ACSL6: variants seen among roughly 807,000 people sequenced by gnomAD.
The protein encoded by ACSL6 is long-chain-fatty-acid--CoA ligase 6.
In ACSL6, 47 loss-of-function variants were observed where a neutral mutation model predicts 98.2. That is an observed-to-expected ratio of 0.48 (90% confidence interval 0.38 to 0.61). The LOEUF is 0.61. ACSL6 is among the 20% of genes least tolerant of loss of function. The pLI is 0.00. For synonymous variants in ACSL6, 362 were observed against 336.9 expected (o/e 1.07, Z -0.82); for missense variants, 761 against 913.4 (o/e 0.83, Z 2.15).
At chr5:132,011,690 C>G, upstream of ACSL6, 2 of 1,270,142 alleles carry the variant, frequency 1.6e-6, no homozygotes, top group Non-Finnish European at 2.0e-6. This position sits in a 1 kb window ranked among gnomAD's most constrained non-coding sequence, Gnocchi z 5.4. Context: ...CCCTCCGGCC[C>G]CGCAGCTCCC....
At chr5:131,976,587 T>C in intron 10 of ACSL6, 61 bp downstream of exon 10, 1 of 1,317,034 alleles carries the variant, frequency 7.6e-7, no homozygotes, top group Non-Finnish European at 1.1e-6. Flanking sequence ...TAAAAAAAAA[T>C]CCTCTGAGGC....
intron 1 of ACSL6, among the ~76,000 whole-genome samples, chr5:132,007,330 TTCAG>T (rs1262889275): frequency 6.6e-6 from 1 of 152,256 alleles, no homozygotes; most frequent in Non-Finnish European, 1.5e-5. Flanking sequence ...TTCAACTTCA[TTCAG>T]TCCTATTGCC....
rs756289227 is a variant in ACSL6, at chr5:131,970,077, T to G, written c.1507+51A>C. 3 of 1,562,016 alleles carry G rather than the reference T, an allele frequency of 1.9e-6. No homozygotes were observed. In the South Asian group the frequency reaches 3.3e-5, roughly 17 times the overall value. On this transcript the variant is annotated intron_variant, in intron 15 of 20. Coordinates refer to ENST00000651883, the MANE Select transcript of ACSL6 (RefSeq NM_001009185.3). ...TGAGGGAGTTTTAGAGCTGGCTGCTTTTACTCCACAGTGCCTCGCGAGCCA... is the reference window on the plus strand; with the variant it reads ...TGAGGGAGTTTTAGAGCTGGCTGCTGTTACTCCACAGTGCCTCGCGAGCCA...
At chr5:131,997,900 C>G (rs1754875233) in intron 1 of ACSL6, among the ~76,000 whole-genome samples, 1 of 152,236 alleles carries the variant, frequency 6.6e-6, no homozygotes, top group African/African-American at 2.4e-5. Context: ...AGGTTCCCTT[C>G]AGACCTGGGA....
At chr5:131,955,298 A>G (rs1234028023) in intron 20 of ACSL6, among the ~76,000 whole-genome samples, 1 of 152,226 alleles carries the variant, frequency 6.6e-6, no homozygotes, top group Non-Finnish European at 1.5e-5. Flanking sequence ...TGGTTATTGT[A>G]AAAAGGGTTT....
chr5:131,982,752 G>A (rs1203470912), intron 9 of ACSL6: 1 of 152,286 alleles, frequency 6.6e-6, no homozygotes, highest in Non-Finnish European at 1.5e-5. Flanking sequence ...AGATCTTTCA[G>A]GACTCTGCTT....
In ACSL6 at chr5:131,989,482, C is replaced by T. The variant is rs1237734554; in HGVS notation, c.477G>A (p.Gly159=). Reference sequence around the variant, plus strand: ...TACAATTGTGCTGGAGAAGTCCGGACCCCAGAAATTCAGCCCTGTCGGCCA... The same window carrying T: ...TACAATTGTGCTGGAGAAGTCCGGATCCCAGAAATTCAGCCCTGTCGGCCA... ...QEVADRAEFL[G]SGLLQHNCKA... is the part of the protein sequence containing the mutation. The change falls in exon 5 of 21, where the codon GGG becomes GGA. Residue 159 remains glycine, a synonymous_variant. Transcript: ENST00000651883. 6.2e-7 allele frequency: 1 copy of T among 1,613,486 alleles called. No homozygotes were observed. The highest frequency in any genetic ancestry group is 8.5e-7 in the Non-Finnish European group (1 of 1,179,808).
chr5:131,962,726 C>T (rs758403557), intron 17 of ACSL6, 48 bp from the exon 18 acceptor site: 1 of 1,604,106 alleles, frequency 6.2e-7, no homozygotes, highest in East Asian at 2.2e-5. Context: ...ACTCTCAAGC[C>T]TGAACCTTTG....
At position 132,011,414 on chromosome 5, in the gene ACSL6, G is replaced by T; in HGVS notation, c.49+91C>A. The T allele has an allele frequency of 7.2e-7, 1 of 1,389,098 alleles. No individual in the cohort carries two copies. Among genetic ancestry groups the T allele is most frequent in the Non-Finnish European group, 1.0e-6 (1 of 985,182 alleles). The allele number at this position is 1,389,098 out of a possible 1,614,324, so 86.0% of individuals were successfully genotyped here. On this transcript the variant is annotated intron_variant, in intron 1 of 20. Transcript: ENST00000651883. This position sits in a 1 kb window ranked among gnomAD's most constrained non-coding sequence, Gnocchi z 5.4. ...CAGCAGCAGGGGATGGGGGCTCGGC[G>T]GCCGCGGAGATGTAACACCTCCACC... is the stretch of plus-strand genomic sequence containing the variant.
In ACSL6 at chr5:131,985,442, T is replaced by C; in HGVS notation, c.881A>G (p.Asp294Gly). The C allele has an allele frequency of 6.2e-7, 1 of 1,613,806 alleles. No homozygotes were observed. The highest frequency in any genetic ancestry group is 8.5e-7 in the Non-Finnish European group (1 of 1,179,988). Residue 294 changes from aspartate (D) to glycine (G), a missense_variant, in exon 9 of 21, where the codon GAC becomes GGC. Physicochemically the swap from Asp to Gly is moderately conservative, Grantham distance 94 (BLOSUM62 -1). Transcript: ENST00000651883. Reference sequence around the variant, plus strand: ...GCTTGTGAAACACACAATGGAGAGGTCATCAGGCTGCGGGGGCTGCAGGGG... The same window carrying C: ...GCTTGTGAAACACACAATGGAGAGGCCATCAGGCTGCGGGGGCTGCAGGGG... ...HQAPVPPQPD[D>G]LSIVCFTSGT...
At chr5:132,007,964 A>T (rs1308866249) in intron 1 of ACSL6, among the ~76,000 whole-genome samples, 1 of 152,218 alleles carries the variant, frequency 6.6e-6, no homozygotes, top group East Asian at 1.9e-4. Flanking sequence ...CAACCCATGA[A>T]TCCTTATAAC....
intron 10 of ACSL6, 50 bp from the exon 11 acceptor site, chr5:131,975,020 AGAC>A (rs1412370092): frequency 2.5e-6 from 4 of 1,588,364 alleles, no homozygotes; most frequent in East Asian, 4.6e-5. Flanking sequence ...ACTGACAGGA[AGAC>A]GACAAGAGAA....
intron 6 of ACSL6, chr5:131,988,476 C>T: frequency 6.5e-7 from 1 of 1,548,348 alleles, no homozygotes; most frequent in East Asian, 2.3e-5. Context: ...AGGCTCTGCC[C>T]CCATCATCCC....
chr5:131,963,891 C>G (rs1464133989), intron 17 of ACSL6, among the ~76,000 whole-genome samples: 1 of 152,170 alleles, frequency 6.6e-6, no homozygotes, highest in Non-Finnish European at 1.5e-5. Context: ...GTGTTGTCAC[C>G]TCTGTTTCAC....
At chr5:131,956,857 T>A (rs1443829400) in intron 20 of ACSL6, among the ~76,000 whole-genome samples, 3 of 152,234 alleles carry the variant, frequency 2.0e-5, no homozygotes, top group Admixed American at 1.3e-4. Context: ...GAATTTCCAT[T>A]TTTTAATAAG....
chr5:131,954,155 C>T lies in ACSL6; in HGVS notation c.*79G>A. On this transcript the variant is annotated 3_prime_UTR_variant, in exon 21 of 21. Transcript: ENST00000651883. ...GATGCTTATTCATTTTCAGCTGTGT[C>T]ATTTTGACTCATTACTTTCAAGAAT... 1 of 1,416,810 alleles carries T rather than the reference C, an allele frequency of 7.1e-7. No individual in the cohort carries two copies. Among genetic ancestry groups the T allele is most frequent in the Non-Finnish European group, 9.3e-7 (1 of 1,073,260 alleles). The allele number at this position is 1,416,810 out of a possible 1,614,324, so 87.8% of individuals were successfully genotyped here.
Position 131,974,970 on chromosome 5 carries a change from T to C in ACSL6, c.991A>G (p.Lys331Glu), listed in dbSNP as rs1753538323. Residue 331 changes from lysine (K) to glutamate (E), a missense_variant and splice_region_variant, in exon 11 of 21, where the codon AAA becomes GAA. By Grantham distance (56) the Lys-to-Glu change is moderately conservative. Coordinates refer to ENST00000651883, the MANE Select transcript of ACSL6 (RefSeq NM_001009185.3). ...TCGTCCTGTCTCGGAAAGATCACTT[T>C]CTGCAGGCGACGGGCATGGGAGACA... The part of the protein sequence containing the change: ...DFSGFLKVTE[K>E]VIFPRQDDVL... 6.2e-7 allele frequency: 1 copy of C among 1,613,728 alleles called. No individual in the cohort carries two copies. The highest frequency in any genetic ancestry group is 1.3e-5 in the African/African-American group (1 of 74,908).
intron 2 of ACSL6, 105 bp downstream of exon 2, chr5:131,993,926 C>T (rs1430086020): frequency 8.2e-7 from 1 of 1,225,874 alleles, no homozygotes; most frequent in South Asian, 1.4e-5. Context: ...GACACCTTCT[C>T]TGGGCCATGT....
chr5:131,978,420 C>T (rs1216799229), intron 9 of ACSL6, among the ~76,000 whole-genome samples: 1 of 152,160 alleles, frequency 6.6e-6, no homozygotes, highest in African/African-American at 2.4e-5. Flanking sequence ...TATTCTCCTA[C>T]CCCACTTCAA....
Sources: allele counts gnomAD v4.1 joint callset (sites outside exome capture counted in the v4.1 genomes callset), GRCh38; gene constraint gnomAD v4.1.1; non-coding constraint Gnocchi (gnomAD v3.1); transcripts MANE v1.5; gene names NCBI Gene and HGNC (gene_info 2026-07-23, HGNC 2026-07-21).